CPSF4L: variants seen among roughly 807,000 people sequenced by gnomAD.
CPSF4L encodes the protein putative cleavage and polyadenylation specificity factor subunit 4-like protein.
CPSF4L carries 18 observed loss-of-function variants against 24.0 expected under a neutral mutation model. That is an observed-to-expected ratio of 0.75 (90% CI 0.52 to 1.11). The LOEUF (loss-of-function observed/expected upper bound fraction) is 1.11, where lower values mean the gene tolerates loss of function less well. Ranked by LOEUF, CPSF4L falls within the 50% of genes least tolerant of loss-of-function variation. The pLI, the probability that CPSF4L is intolerant of heterozygous loss-of-function variation, is 0.00. For missense variants in CPSF4L, 211 were observed against 221.8 expected (o/e 0.95, Z 0.31); for synonymous variants, 72 against 77.2 (o/e 0.93, Z 0.35).
intron 3 of CPSF4L, among the ~76,000 whole-genome samples, chr17:73,256,396 C>T (rs1026813481): frequency 6.6e-6 from 1 of 152,202 alleles, no homozygotes; most frequent in Non-Finnish European, 1.5e-5. Context: ...CAATGCTTTG[C>T]CTCCTTCTCA....
intron 5 of CPSF4L, chr17:73,250,058 A>G (rs1020368916): frequency 3.0e-5 from 15 of 507,982 alleles, no homozygotes; most frequent in Non-Finnish European, 5.1e-5. Context: ...TCTGCCTCCA[A>G]ACCTGTTGTA....
chr17:73,257,385 A>T (rs2062027972), intron 3 of CPSF4L, among the ~76,000 whole-genome samples: 1 of 151,618 alleles, frequency 6.6e-6, no homozygotes, highest in Non-Finnish European at 1.5e-5. Flanking sequence ...ATTTCAATAT[A>T]GTCAGGCTGG....
chr17:73,253,365 A>G (rs1311123823), intron 4 of CPSF4L, among the ~76,000 whole-genome samples: 1 of 152,174 alleles, frequency 6.6e-6, no homozygotes, highest in Non-Finnish European at 1.5e-5. Context: ...CTAACCCCAC[A>G]ATCCTACTGA....
chr17:73,256,921 G>A (rs1485875167), intron 3 of CPSF4L, among the ~76,000 whole-genome samples: 1 of 152,206 alleles, frequency 6.6e-6, no homozygotes, highest in African/African-American at 2.4e-5. Context: ...CAGCTACTCA[G>A]GAGGCTGAGG....
chr17:73,243,432 G>C, the CPSF4L span, among the ~76,000 whole-genome samples: 1 of 152,090 alleles, frequency 6.6e-6, no homozygotes, highest in African/African-American at 2.4e-5. Context: ...AAGATTACAG[G>C]CATAAGCCAC....
At chr17:73,246,133 G>A (rs536842143), downstream of CPSF4L, among the ~76,000 whole-genome samples, 33 of 152,296 alleles carry the variant, frequency 2.2e-4, no homozygotes, top group African/African-American at 7.9e-4. Flanking sequence ...CTAACGTAGA[G>A]GGTTAGTTAT....
At chr17:73,243,186 C>T in the CPSF4L span, 1 of 628,988 alleles carries the variant, frequency 1.6e-6, no homozygotes, top group Non-Finnish European at 2.8e-6. Flanking sequence ...TACAGTTTTG[C>T]TCTTGTTGCC....
chr17:73,255,533 A>G (rs913593424), intron 3 of CPSF4L, among the ~76,000 whole-genome samples: 1 of 140,432 alleles, frequency 7.1e-6, no homozygotes, highest in Admixed American at 7.1e-5. Flanking sequence ...AAAAAAAAAA[A>G]GGAGAGTACC....
At chr17:73,253,381 T>G (rs1215347413) in intron 4 of CPSF4L, among the ~76,000 whole-genome samples, 1 of 152,138 alleles carries the variant, frequency 6.6e-6, no homozygotes, top group Non-Finnish European at 1.5e-5. Flanking sequence ...ACTGATCTTC[T>G]CAGCAGCCCT....
chr17:73,257,685 C>G lies in CPSF4L; in HGVS notation c.303G>C (p.Lys101Asn), dbSNP rs368579588. Residue 101 changes from lysine to asparagine, a missense_variant, in exon 3 of 6, where the codon AAG (lysine) becomes AAC (asparagine). Coordinates refer to ENST00000344935, the MANE Select transcript of CPSF4L (RefSeq NM_001129885.1). The stretch of plus-strand genomic sequence containing the variant: ...CGAGCCAGGAAGAGGCCTTACCAAA[C>G]TTGGAGTAGAAGTAGCACTCAGGCA... ...TRMPECYFYSKFGDCSNKECS... is the reference protein window; with the variant it reads ...TRMPECYFYSNFGDCSNKECS... 5 of 1,551,504 alleles carry G rather than the reference C, an allele frequency of 3.2e-6. No individual in the cohort carries two copies. The African/African-American group carries it at 6.8e-5, about 21-fold the overall frequency.
At chr17:73,245,045 G>A (rs1008891096), downstream of CPSF4L, 3 of 839,660 alleles carry the variant, frequency 3.6e-6, no homozygotes, top group South Asian at 1.7e-5. Flanking sequence ...ACTTCTCATT[G>A]TGCTTAATAC....
chr17:73,244,580 A>AC (rs2061914678), downstream of CPSF4L: 1 of 151,324 alleles, frequency 6.6e-6, no homozygotes, highest in Non-Finnish European at 1.5e-5. Flanking sequence ...AAAAAAAAAA[A>AC]AAACCACCAG....
In CPSF4L at chr17:73,251,180, G is replaced by A. The variant is rs370119672; in HGVS notation, c.497+1450C>T. ...GCAGACACCAACTTCACAGAGGGCC[G>A]GGACGCTGGCCATGCATTTAGGGTG... On this transcript the variant is annotated intron_variant, in intron 5 of 5. Coordinates refer to ENST00000344935, the MANE Select transcript of CPSF4L (RefSeq NM_001129885.1). 3.9e-5 allele frequency: 54 copies of A among 1,387,024 alleles called. No individual in the cohort carries two copies. The South Asian group carries it at 7.2e-4, about 18-fold the overall frequency. The allele number at this position is 1,387,024 out of a possible 1,614,324, so 85.9% of individuals were successfully genotyped here.
At chr17:73,246,739 C>G (rs1384699768), downstream of CPSF4L, among the ~76,000 whole-genome samples, 2 of 152,120 alleles carry the variant, frequency 1.3e-5, no homozygotes, top group Non-Finnish European at 2.9e-5. Context: ...GCAATATATC[C>G]CTGTATCCTA....
At chr17:73,257,869 C>T (rs1437425193) in intron 2 of CPSF4L, 36 bp from the exon 3 acceptor site, 1 of 1,548,534 alleles carries the variant, frequency 6.5e-7, no homozygotes, top group East Asian at 2.4e-5. Flanking sequence ...GGAGGCCCCT[C>T]ATCCACAGCC....
chr17:73,255,285 T>A lies in CPSF4L; in HGVS notation c.308-1259A>T, dbSNP rs1378437947. Among the ~76,000 whole-genome samples the A allele has an allele frequency of 2.0e-5, 3 of 151,834 alleles. No individual in the cohort carries two copies. The East Asian group carries it at 5.8e-4, about 30-fold the overall frequency. ...GAAGCCGAGGTGGTGATCCTTAGGA[T>A]CACCTGAGGTCAGGAGTTTGAGACC... On this transcript the variant is annotated intron_variant, in intron 3 of 5. Coordinates refer to ENST00000344935, the MANE Select transcript of CPSF4L (RefSeq NM_001129885.1).
Position 73,261,733 on chromosome 17 carries a change from G to C in CPSF4L, c.86C>G (p.Pro29Arg). Residue 29 changes from proline to arginine, a missense_variant, in exon 1 of 6, where the codon CCT (proline) becomes CGT (arginine). By Grantham distance (103) the Pro-to-Arg change is moderately radical. Transcript: ENST00000344935. ...VEMQKGTGLLPFQGMDKSASA... is the reference protein window; with the variant it reads ...VEMQKGTGLLRFQGMDKSASA... ...TCACTCACTGTCCATGCCCTGGAAA[G>C]GCAGGAGCCCAGTGCCCTTCTGCAT... 1 of 1,550,134 alleles carries C rather than the reference G, an allele frequency of 6.5e-7. No homozygotes were observed. The highest frequency in any genetic ancestry group is 1.7e-4 in the Middle Eastern group (1 of 5,988).
rs369735827 is a variant in CPSF4L at position 73,260,347 on chromosome 17, C to G, written c.154+586G>C. Among the ~76,000 whole-genome samples, 37 of 152,308 alleles carry G rather than the reference C, an allele frequency of 2.4e-4. 1 individual carries two copies. The highest frequency in any genetic ancestry group is 2.3e-3 in the East Asian group (12 of 5,188). Reference sequence around the variant, plus strand: ...AAAGAAAAAAATACCCCTTTCCAGGCAGCCTGGTTACCCTGATGCGAACTG... The same window carrying G: ...AAAGAAAAAAATACCCCTTTCCAGGGAGCCTGGTTACCCTGATGCGAACTG... On this transcript the variant is annotated intron_variant, in intron 2 of 5. Coordinates refer to ENST00000344935, the MANE Select transcript of CPSF4L (RefSeq NM_001129885.1).
At chr17:73,250,204 A>G in intron 5 of CPSF4L, 3 of 1,540,842 alleles carry the variant, frequency 1.9e-6, no homozygotes, top group Non-Finnish European at 2.6e-6. Context: ...ATCCCATAGT[A>G]AGACCATTGA....
Sources: allele counts gnomAD v4.1 joint callset (sites outside exome capture counted in the v4.1 genomes callset), GRCh38; gene constraint gnomAD v4.1.1; transcripts MANE v1.5; gene names NCBI Gene and HGNC (gene_info 2026-07-23, HGNC 2026-07-21).